UVSSA: variants seen among roughly 807,000 people sequenced by gnomAD.
UVSSA encodes UV stimulated scaffold protein A, also known as UV-stimulated scaffold protein A.
A neutral mutation model predicts 73.9 loss-of-function variants in UVSSA; 72 were observed. That is an observed-to-expected ratio of 0.97 (90% CI 0.81 to 1.19). UVSSA has a LOEUF of 1.19. UVSSA is among the 50% of genes most tolerant of loss of function. The pLI is 0.00. For missense variants in UVSSA, 1,150 were observed against 965.0 expected (o/e 1.19, Z -2.54); for synonymous variants, 454 against 391.3 (o/e 1.16, Z -1.89).
intron 5 of UVSSA, 177 bp from the exon 6 acceptor site, chr4:1,354,558 A>G (rs975907148): frequency 9.9e-6 from 6 of 604,236 alleles, no homozygotes; most frequent in Admixed American, 5.6e-5. Flanking sequence ...GTTCTTTTCT[A>G]AGATAATAAA....
chr4:1,385,976 T>G lies in UVSSA; in HGVS notation c.*15T>G. The G allele has an allele frequency of 1.2e-6, 2 of 1,613,658 alleles. No individual in the cohort carries two copies. Among genetic ancestry groups the G allele is most frequent in the Non-Finnish European group, 1.7e-6 (2 of 1,179,798 alleles). Reference sequence around the variant, plus strand: ...CACTGAACTAGAGAGCGGGGCCCAGTGCACTGGCCATCAGCACTTTCTCCC... The same window carrying G: ...CACTGAACTAGAGAGCGGGGCCCAGGGCACTGGCCATCAGCACTTTCTCCC... On this transcript the variant is annotated 3_prime_UTR_variant, in exon 14 of 14. Coordinates refer to ENST00000389851, the MANE Select transcript of UVSSA (RefSeq NM_020894.4).
chr4:1,357,326 A>G (rs182857360), intron 7 of UVSSA, among the ~76,000 whole-genome samples: 65 of 152,388 alleles, frequency 4.3e-4, no homozygotes, highest in Middle Eastern at 3.4e-3. Context: ...ACAGTCCTTT[A>G]GTACCAGCAG....
rs534507261 is a variant in UVSSA at position 1,382,008 on chromosome 4, C to T, written c.1861+1020C>T. On this transcript the variant is annotated intron_variant, in intron 12 of 13. Transcript: ENST00000389851. ...CACACCTGCAGGCCTGGCCCTGGCC[C>T]GAAGTGGGGGTTCACACCTTGTCTT... is the stretch of plus-strand genomic sequence containing the variant. 1.4e-4 allele frequency among the ~76,000 whole-genome samples: 22 copies of T among 152,278 alleles called. No homozygotes were observed. The East Asian group carries it at 3.7e-3, about 25-fold the overall frequency.
exon 14 of UVSSA, chr4:1,394,173 G>T: frequency 2.2e-6 from 1 of 453,176 alleles, no homozygotes. Flanking sequence ...CACACACACA[G>T]CTCTGTGCCT....
At chr4:1,345,711 A>G (rs1713614996), upstream of UVSSA, among the ~76,000 whole-genome samples, 2 of 146,602 alleles carry the variant, frequency 1.4e-5, no homozygotes, top group South Asian at 2.2e-4. Context: ...AGGGCAGTGG[A>G]CGGGCAGCTT....
intron 10 of UVSSA, among the ~76,000 whole-genome samples, chr4:1,379,645 C>T (rs1719203696): frequency 6.6e-6 from 1 of 152,208 alleles, no homozygotes; most frequent in Admixed American, 6.5e-5. Context: ...CATGTGGATG[C>T]CCCGTTGGCC....
chr4:1,393,975 C>T (rs75492419), exon 14 of UVSSA: 15,757 of 202,854 alleles, frequency 0.078, 1,652 homozygotes, highest in East Asian at 0.45. Flanking sequence ...ACGGTTCTGC[C>T]GACACGCAGT....
upstream of UVSSA, among the ~76,000 whole-genome samples, chr4:1,345,110 T>A (rs1010389816): frequency 6.6e-6 from 1 of 152,130 alleles, no homozygotes; most frequent in Admixed American, 6.5e-5. Flanking sequence ...CTCTGGTTGC[T>A]GCATGATGGT....
chr4:1,353,874 C>G (rs535577160), intron 5 of UVSSA, among the ~76,000 whole-genome samples: 79 of 152,280 alleles, frequency 5.2e-4, no homozygotes, highest in Middle Eastern at 6.8e-3. Flanking sequence ...AAAATGTGTT[C>G]CAGAAATGGC....
Position 1,395,629 on chromosome 4 carries a change from C to T in UVSSA, c.*9668C>T, listed in dbSNP as rs1376655490. The T allele has an allele frequency of 3.2e-5, 51 of 1,601,880 alleles. No individual in the cohort carries two copies. The highest frequency in any genetic ancestry group is 1.7e-4 in the Middle Eastern group (1 of 6,012). On this transcript the variant is annotated 3_prime_UTR_variant, in exon 14 of 14. Coordinates refer to the UVSSA transcript ENST00000511216. ...CACACACGTGCCCATGTGGAGTGCC[C>T]GCCTGCTCACACGTGCCCATGTGGA...
At chr4:1,369,705 G>A (rs1266184448) in intron 8 of UVSSA, among the ~76,000 whole-genome samples, 1 of 152,248 alleles carries the variant, frequency 6.6e-6, no homozygotes, top group Non-Finnish European at 1.5e-5. Flanking sequence ...GGGCGCAGAG[G>A]CCCCCCTCTC....
rs557406104 is a variant in UVSSA at position 1,347,942 on chromosome 4, T to C, written c.-2-148T>C. Reference sequence around the variant, plus strand: ...TAAAGGCCTTGCTGGACACACATATTTCCCAGAGAGGCACCCACAGATGGA... The same window carrying C: ...TAAAGGCCTTGCTGGACACACATATCTCCCAGAGAGGCACCCACAGATGGA... On this transcript the variant is annotated intron_variant, in intron 1 of 13. Transcript: ENST00000389851. 4.3e-5 allele frequency: 29 copies of C among 672,148 alleles called. No homozygotes were observed. The African/African-American group carries it at 4.8e-4, about 11-fold the overall frequency. 41.6% of individuals were successfully genotyped at this position (672,148 alleles called of 1,614,324 possible). A position where few individuals can be genotyped will look rare whatever the true frequency, so the allele number is the denominator to read the frequency against.
At chr4:1,384,251 G>A in intron 13 of UVSSA, 1 of 392,072 alleles carries the variant, frequency 2.6e-6, no homozygotes, top group East Asian at 5.2e-5. Flanking sequence ...CTGGTGCAGA[G>A]TGAGCCCCTC....
At chr4:1,356,284 G>A (rs766261802) in intron 7 of UVSSA, among the ~76,000 whole-genome samples, 3 of 152,132 alleles carry the variant, frequency 2.0e-5, no homozygotes. Context: ...TTGGAAGTTG[G>A]GGGGTGGGGA....
intron 8 of UVSSA, among the ~76,000 whole-genome samples, chr4:1,372,244 C>T (rs887313611): frequency 6.6e-6 from 1 of 152,188 alleles, no homozygotes; most frequent in African/African-American, 2.4e-5. Context: ...AAGACATCCA[C>T]TCCAGAGTCT....
chr4:1,391,135 T>C (rs1720405339), downstream of UVSSA: 1 of 152,472 alleles, frequency 6.6e-6, no homozygotes, highest in Non-Finnish European at 1.4e-5. Context: ...GTTATATGGA[T>C]GCCTGTTGGG....
chr4:1,365,896 C>T (rs559893855), intron 7 of UVSSA, among the ~76,000 whole-genome samples: 107 of 151,830 alleles, frequency 7.0e-4, no homozygotes, highest in Admixed American at 1.2e-3. Context: ...ACCTGCTCCA[C>T]CTGGTGAGAA....
In UVSSA at chr4:1,385,966, C is replaced by T. The variant is rs1227129150; in HGVS notation, c.*5C>T. Reference sequence around the variant, plus strand: ...TTTAACTACGCACTGAACTAGAGAGCGGGGCCCAGTGCACTGGCCATCAGC... The same window carrying T: ...TTTAACTACGCACTGAACTAGAGAGTGGGGCCCAGTGCACTGGCCATCAGC... On this transcript the variant is annotated 3_prime_UTR_variant, in exon 14 of 14. Transcript: ENST00000389851. 1.7e-5 allele frequency: 27 copies of T among 1,613,714 alleles called. No individual in the cohort carries two copies. In the East Asian group the frequency reaches 2.2e-4, roughly 13 times the overall value.
At chr4:1,382,046 TG>T (rs1719571841) in intron 12 of UVSSA, among the ~76,000 whole-genome samples, 1 of 152,176 alleles carries the variant, frequency 6.6e-6, no homozygotes. Flanking sequence ...AGAGCAGCTC[TG>T]GGGGCCCAGG....
Sources: allele counts gnomAD v4.1 joint callset (sites outside exome capture counted in the v4.1 genomes callset), GRCh38; gene constraint gnomAD v4.1.1; transcripts MANE v1.5; gene names NCBI Gene and HGNC (gene_info 2026-07-23, HGNC 2026-07-21).